GALNT17: variants seen among roughly 807,000 people sequenced by gnomAD.
GALNT17 encodes polypeptide N-acetylgalactosaminyltransferase 17.
A neutral mutation model predicts 63.7 loss-of-function variants in GALNT17; 29 were observed. The ratio of observed to expected loss-of-function variants is 0.46; its 90% CI spans 0.34 to 0.62. The LOEUF (loss-of-function observed/expected upper bound fraction) is 0.62. Among genes scored for constraint, GALNT17 ranks in the 20% least tolerant of loss-of-function variants. The pLI is 0.01. For missense variants in GALNT17, 603 were observed against 799.6 expected (o/e 0.75, Z 2.97); for synonymous variants, 305 against 318.3 (o/e 0.96, Z 0.45).
At position 71,132,932 on chromosome 7, in the gene GALNT17, C is replaced by T. The variant is rs745361636; in HGVS notation, c.130C>T (p.Pro44Ser). 4.3e-6 allele frequency: 7 copies of T among 1,611,396 alleles called. No individual in the cohort carries two copies. Among genetic ancestry groups the T allele is most frequent in the Non-Finnish European group, 5.9e-6 (7 of 1,179,444 alleles). The change falls in exon 1 of 11, where the codon CCG (proline) becomes TCG (serine). Residue 44 changes from proline to serine, a missense_variant. Physicochemically the swap from Pro to Ser is moderately conservative, Grantham distance 74 (BLOSUM62 -1). This residue lies in a region of GALNT17 where 195 missense variants were observed against 215.0 expected (regional missense o/e 0.91). Coordinates refer to ENST00000333538, the MANE Select transcript of GALNT17 (RefSeq NM_022479.3). ...CGGAGACGCCTTCCACGAGATCCGG[C>T]CGCGCGCCGAGGTGGCCAACCTCAG... Reference protein sequence around the residue: ...RSGDAFHEIRPRAEVANLSAH... With the variant: ...RSGDAFHEIRSRAEVANLSAH...
At chr7:71,370,849 T>A (rs1792608562) in intron 2 of GALNT17, among the ~76,000 whole-genome samples, 1 of 152,012 alleles carries the variant, frequency 6.6e-6, no homozygotes. Context: ...CAAGTGATCC[T>A]CCTGCCTCAG....
intron 1 of GALNT17, among the ~76,000 whole-genome samples, chr7:71,288,176 A>G (rs1387505051): frequency 7.1e-6 from 1 of 140,138 alleles, no homozygotes; most frequent in Non-Finnish European, 1.5e-5. Flanking sequence ...AGATTGCACC[A>G]CTGCACTCTA....
intron 3 of GALNT17, among the ~76,000 whole-genome samples, chr7:71,411,927 A>G (rs1793436609): frequency 1.3e-5 from 2 of 152,198 alleles, no homozygotes; most frequent in African/African-American, 4.8e-5. Context: ...CTTCTTCCAG[A>G]AACTCTGCCA....
At chr7:71,384,815 C>A (rs1481521894) in intron 2 of GALNT17, among the ~76,000 whole-genome samples, 1 of 152,094 alleles carries the variant, frequency 6.6e-6, no homozygotes, top group African/African-American at 2.4e-5. Context: ...TCACATTTCT[C>A]CCTCTGTTCT....
intron 1 of GALNT17, among the ~76,000 whole-genome samples, chr7:71,326,317 G>A (rs1791703877): frequency 6.6e-6 from 1 of 152,154 alleles, no homozygotes; most frequent in Admixed American, 6.5e-5. Context: ...AATTAGCCAT[G>A]CAGGATGGTG....
intron 1 of GALNT17, among the ~76,000 whole-genome samples, chr7:71,236,894 T>C (rs564687897): frequency 4.9e-4 from 75 of 152,312 alleles, no homozygotes; most frequent in African/African-American, 1.7e-3. Flanking sequence ...GAATGATCCA[T>C]CCTCTGCTCT....
At chr7:71,640,308 G>T (rs1015275021) in intron 6 of GALNT17, among the ~76,000 whole-genome samples, 1 of 152,030 alleles carries the variant, frequency 6.6e-6, no homozygotes, top group Non-Finnish European at 1.5e-5. Context: ...TAAGTCTCTT[G>T]AAATCTGCAT....
At chr7:71,191,407 C>T (rs920217498) in intron 1 of GALNT17, among the ~76,000 whole-genome samples, 9 of 150,852 alleles carry the variant, frequency 6.0e-5, no homozygotes, top group South Asian at 2.1e-4. Context: ...AAAAAAGAAG[C>T]GGAAAATAAA....
chr7:71,147,785 C>T lies in GALNT17; in HGVS notation c.238+14745C>T, dbSNP rs561424944. On this transcript the variant is annotated intron_variant, in intron 1 of 10. Coordinates refer to ENST00000333538, the MANE Select transcript of GALNT17 (RefSeq NM_022479.3). ...TAGCTGGGACTACAAGAGTGCACCA[C>T]CACACCCGGCTAATTTTTTGTATTT... Among the ~76,000 whole-genome samples the T allele has an allele frequency of 2.0e-5, 3 of 152,208 alleles. No individual in the cohort carries two copies. In the South Asian group the frequency reaches 6.2e-4, roughly 32 times the overall value.
Position 71,670,095 on chromosome 7 carries a change from G to C in GALNT17, c.1390G>C (p.Val464Leu), listed in dbSNP as rs557986424. The change falls in exon 8 of 11, where the codon GTT becomes CTT. Residue 464 changes from valine (V) to leucine (L), a missense_variant. This residue lies in a region of GALNT17 where 336 missense variants were observed against 507.8 expected (regional missense o/e 0.66). Coordinates refer to ENST00000333538, the MANE Select transcript of GALNT17 (RefSeq NM_022479.3). ...AGAAATGAGAAGATACAATAATACC[G>C]TTGCTTACGGGGAGGTAATTCAGAC... The part of the protein sequence containing the change: ...YPEMRRYNNT[V>L]AYGELRNNKA... 6.2e-7 allele frequency: 1 copy of C among 1,613,876 alleles called. No homozygotes were observed. The highest frequency in any genetic ancestry group is 1.3e-5 in the African/African-American group (1 of 74,910).
intron 8 of GALNT17, among the ~76,000 whole-genome samples, chr7:71,675,861 G>A (rs779485346): frequency 6.6e-6 from 1 of 152,036 alleles, no homozygotes; most frequent in Non-Finnish European, 1.5e-5. Flanking sequence ...GGTAGCGGGC[G>A]ACTGTAATCC....
At chr7:71,361,786 CAGAGAG>C (rs150967255) in intron 2 of GALNT17, among the ~76,000 whole-genome samples, 64 of 149,126 alleles carry the variant, frequency 4.3e-4, no homozygotes, top group African/African-American at 1.3e-3. Context: ...CAAATGAACT[CAGAGAG>C]AGAGAGAGAG....
At chr7:71,444,395 G>A (rs1787122062) in intron 5 of GALNT17, among the ~76,000 whole-genome samples, 2 of 152,150 alleles carry the variant, frequency 1.3e-5, no homozygotes, top group African/African-American at 4.8e-5. Flanking sequence ...CTGCCATGTG[G>A]CCACACTAAA....
chr7:71,616,754 T>C (rs1422945291), intron 6 of GALNT17, among the ~76,000 whole-genome samples: 1 of 83,006 alleles, frequency 1.2e-5, no homozygotes, highest in African/African-American at 4.0e-5. Flanking sequence ...ATATATTATA[T>C]TTATATGTTA....
At position 71,297,014 on chromosome 7, in the gene GALNT17, A is replaced by G. The variant is rs188925645; in HGVS notation, c.239-38536A>G. Among the ~76,000 whole-genome samples the G allele has an allele frequency of 1.8e-4, 28 of 152,318 alleles. No individual in the cohort carries two copies. The East Asian group carries it at 3.9e-3, about 21-fold the overall frequency. On this transcript the variant is annotated intron_variant, in intron 1 of 10. Transcript: ENST00000333538. The stretch of plus-strand genomic sequence containing the variant: ...TCCTGCATGCTGGCATTCTTCCACT[A>G]TTGCTCTGGTGGGATAAGGAGAAGG...
chr7:71,377,620 A>G (rs1414868619), intron 2 of GALNT17, among the ~76,000 whole-genome samples: 5 of 152,254 alleles, frequency 3.3e-5, no homozygotes, highest in African/African-American at 1.2e-4. Flanking sequence ...TTGTCCATGC[A>G]CCCACAATGA....
chr7:71,372,490 A>C (rs771681108), intron 2 of GALNT17, among the ~76,000 whole-genome samples: 3 of 151,852 alleles, frequency 2.0e-5, no homozygotes, highest in Admixed American at 6.6e-5. Flanking sequence ...TTAAGATAGA[A>C]TCTTGCTCTG....
At chr7:71,488,182 A>AC (rs1399610832) in intron 5 of GALNT17, among the ~76,000 whole-genome samples, 1 of 150,340 alleles carries the variant, frequency 6.7e-6, no homozygotes, top group Non-Finnish European at 1.5e-5. Flanking sequence ...AAAAAAAAAA[A>AC]AAAAAAACAG....
At chr7:71,328,280 T>C (rs183917062) in intron 1 of GALNT17, among the ~76,000 whole-genome samples, 249 of 152,322 alleles carry the variant, frequency 1.6e-3, no homozygotes, top group Non-Finnish European at 3.0e-3. Flanking sequence ...TTGCACCAAC[T>C]TAATAAAATA....
Sources: gnomAD v4.1 joint callset for allele counts (sites outside exome capture counted in the v4.1 genomes callset) on GRCh38, gnomAD v4.1.1 for gene constraint, gnomAD v4.1.1 regional missense constraint, MANE v1.5 for transcripts, NCBI Gene and HGNC (gene_info 2026-07-23, HGNC 2026-07-21) for gene names.